Variants in XPO4 observed in about 807,000 individuals in gnomAD.
XPO4 encodes exportin-4.
Under a neutral mutation model 143.0 loss-of-function variants are expected in XPO4, and 39 were observed. The observed-to-expected ratio is 0.27, with a 90% CI of 0.21 to 0.36. XPO4 has a LOEUF of 0.36. Ranked by LOEUF, XPO4 falls within the 10% of genes least tolerant of loss-of-function variation. The pLI, the probability that XPO4 is intolerant of heterozygous loss-of-function variation, is 1.00. For synonymous variants in XPO4, 439 were observed against 474.0 expected, an observed-to-expected ratio of 0.93 and a Z score of 0.96; for missense variants, 907 against 1,348.0, an observed-to-expected ratio of 0.67 and a Z score of 5.12.
At chr13:20,896,948 CT>C (rs1192375635) in intron 1 of XPO4, among the ~76,000 whole-genome samples, 1 of 152,144 alleles carries the variant, frequency 6.6e-6, no homozygotes, top group Non-Finnish European at 1.5e-5. Flanking sequence ...TTTCAAATGC[CT>C]TTTTGCATTT....
At chr13:20,826,628 ATTC>A (rs1274589907) in intron 7 of XPO4, among the ~76,000 whole-genome samples, 1 of 152,234 alleles carries the variant, frequency 6.6e-6, no homozygotes, top group African/African-American at 2.4e-5. Flanking sequence ...AAACAATGCT[ATTC>A]TTCTCATTAA....
At position 20,779,143 on chromosome 13, in the gene XPO4, T is replaced by G. The variant is rs554855799; in HGVS notation, c.*4579A>C. On this transcript the variant is annotated 3_prime_UTR_variant, in exon 23 of 23. Transcript: ENST00000255305. Reference sequence around the variant, plus strand: ...AAAAGTCTTAGTGTAAGTTTAAAATTTTAATATTTATAAATTTAAAAAATT... The same window carrying G: ...AAAAGTCTTAGTGTAAGTTTAAAATGTTAATATTTATAAATTTAAAAAATT... 6.6e-6 allele frequency: 1 copy of G among 152,292 alleles called. No homozygotes were observed. Among genetic ancestry groups the G allele is most frequent in the East Asian group, 1.9e-4 (1 of 5,192 alleles). 9.4% of individuals were successfully genotyped at this position (152,292 alleles called of 1,614,324 possible). A position where few individuals can be genotyped will look rare whatever the true frequency, so the allele number is the denominator to read the frequency against.
intron 1 of XPO4, among the ~76,000 whole-genome samples, chr13:20,882,148 G>A (rs1443533179): frequency 6.7e-6 from 1 of 148,214 alleles, no homozygotes; most frequent in Non-Finnish European, 1.5e-5. Context: ...AAAGAAAATT[G>A]GGAAAAACTG....
At chr13:20,785,016 C>T (rs1270251009) in intron 22 of XPO4, among the ~76,000 whole-genome samples, 2 of 152,142 alleles carry the variant, frequency 1.3e-5, no homozygotes, top group Non-Finnish European at 2.9e-5. Context: ...TACAGGCATG[C>T]ACCACCATCC....
In XPO4 at chr13:20,807,602, T is replaced by C. The variant is rs750545278; in HGVS notation, c.1672A>G (p.Thr558Ala). 2 of 1,609,128 alleles carry C rather than the reference T, an allele frequency of 1.2e-6. No individual in the cohort carries two copies. Among genetic ancestry groups the C allele is most frequent in the South Asian group, 2.2e-5 (2 of 89,748 alleles). Reference protein sequence around the residue: ...YLLADDTQGETPLIPPEIMEY... With the variant: ...YLLADDTQGEAPLIPPEIMEY... ...ATTATTTCTGGAGGTATTAGCGGAGTCTCTCCCTGAGTATCATCAGCTAAG... is the reference window on the plus strand; with the variant it reads ...ATTATTTCTGGAGGTATTAGCGGAGCCTCTCCCTGAGTATCATCAGCTAAG... The change falls in exon 13 of 23, where the codon ACT becomes GCT. Residue 558 changes from threonine (T) to alanine (A), a missense_variant. Physicochemically the swap from Thr to Ala is moderately conservative, Grantham distance 58 (BLOSUM62 0). Transcript: ENST00000255305.
chr13:20,856,984 C>A (rs2060150556), intron 3 of XPO4: 5 of 644,760 alleles, frequency 7.8e-6, no homozygotes, highest in South Asian at 6.9e-5. Context: ...AGCACACTAC[C>A]TGCTGCATAA....
chr13:20,801,618 A>G (rs2059433407), intron 13 of XPO4, among the ~76,000 whole-genome samples: 1 of 152,194 alleles, frequency 6.6e-6, no homozygotes. Flanking sequence ...TGTCAATCAC[A>G]TAGCGTGACA....
intron 1 of XPO4, among the ~76,000 whole-genome samples, chr13:20,881,097 G>A (rs1162524905): frequency 6.6e-6 from 1 of 152,062 alleles, no homozygotes; most frequent in East Asian, 1.9e-4. Flanking sequence ...AGTTAAAATA[G>A]TCAAATTCAT....
chr13:20,802,436 A>C (rs1331110836), intron 13 of XPO4, among the ~76,000 whole-genome samples: 1 of 152,198 alleles, frequency 6.6e-6, no homozygotes, highest in Non-Finnish European at 1.5e-5. Flanking sequence ...GGGTATATGA[A>C]CAACAACAAA....
At chr13:20,877,976 G>A (rs1208588649) in intron 1 of XPO4, among the ~76,000 whole-genome samples, 2 of 152,116 alleles carry the variant, frequency 1.3e-5, no homozygotes, top group East Asian at 3.9e-4. Flanking sequence ...GCAGGTAGAT[G>A]GCTTGAGGTC....
chr13:20,804,197 A>AT (rs2059473517), intron 13 of XPO4, among the ~76,000 whole-genome samples: 1 of 150,394 alleles, frequency 6.6e-6, no homozygotes, highest in Non-Finnish European at 1.5e-5. Context: ...ATATATATCT[A>AT]TATATATACA....
intron 9 of XPO4, among the ~76,000 whole-genome samples, 191 bp from the exon 10 acceptor site, chr13:20,810,158 T>C (rs1163167211): frequency 6.6e-6 from 1 of 152,192 alleles, no homozygotes; most frequent in African/African-American, 2.4e-5. Context: ...GAATTAAAGT[T>C]TATTTTTAAA....
At chr13:20,786,350 G>GTA (rs930781384) in intron 22 of XPO4, among the ~76,000 whole-genome samples, 6 of 151,176 alleles carry the variant, frequency 4.0e-5, no homozygotes, top group African/African-American at 1.2e-4. Context: ...ATATATGTGT[G>GTA]TATATATATG....
chr13:20,902,330 C>T (rs2060629165), intron 1 of XPO4: 1 of 985,288 alleles, frequency 1.0e-6, no homozygotes, highest in African/African-American at 1.7e-5. Flanking sequence ...CGAAGCCCTG[C>T]GGGGATAACC....
At chr13:20,865,640 A>C (rs2060238525) in intron 2 of XPO4, 1 of 948,342 alleles carries the variant, frequency 1.1e-6, no homozygotes, top group South Asian at 4.9e-5. Context: ...ACAAAAGTTA[A>C]AGTTAATAAT....
At chr13:20,797,116 C>T (rs1267184488) in intron 16 of XPO4, 59 bp from the exon 17 acceptor site, 1 of 1,462,754 alleles carries the variant, frequency 6.8e-7, no homozygotes, top group African/African-American at 1.4e-5. Flanking sequence ...ATTTCCTCTG[C>T]TTGGATACAT....
intron 3 of XPO4, among the ~76,000 whole-genome samples, chr13:20,858,681 C>T (rs1253660764): frequency 2.6e-5 from 4 of 151,174 alleles, no homozygotes; most frequent in Admixed American, 2.6e-4. Flanking sequence ...ACCAGCCTGG[C>T]CAAAATGGTG....
rs1416713726 is a variant in XPO4, at chr13:20,900,005, G to C, written c.69+2665C>G. Among the ~76,000 whole-genome samples the C allele has an allele frequency of 9.2e-5, 14 of 152,310 alleles. No homozygotes were observed. The East Asian group carries it at 2.5e-3, about 27-fold the overall frequency. ...CCACAGACTGGTAACAGACAAACCA[G>C]AGTTTGAGTCTCTACCCCTTGCTAT... On this transcript the variant is annotated intron_variant, in intron 1 of 22. Coordinates refer to ENST00000255305, the MANE Select transcript of XPO4 (RefSeq NM_022459.5).
intron 1 of XPO4, among the ~76,000 whole-genome samples, chr13:20,875,320 CAA>C (rs1295218659): frequency 6.6e-6 from 1 of 152,142 alleles, no homozygotes; most frequent in Non-Finnish European, 1.5e-5. Flanking sequence ...TAATATTCCA[CAA>C]AGAGTACTAT....
Sources: allele counts gnomAD v4.1 joint callset (sites outside exome capture counted in the v4.1 genomes callset), GRCh38; gene constraint gnomAD v4.1.1; transcripts MANE v1.5; gene names NCBI Gene and HGNC (gene_info 2026-07-23, HGNC 2026-07-21).